The following POTEF variants were observed in gnomAD, a reference collection of about 807,000 sequenced individuals.
POTEF encodes POTE ankyrin domain family member F, also known as ANKRD26-like family C member 1B.
Under a neutral mutation model 83.2 loss-of-function variants are expected in POTEF, and 20 were observed. The observed-to-expected ratio is 0.24, with a 90% CI of 0.17 to 0.35. POTEF has a LOEUF of 0.35. Among genes scored for constraint, POTEF ranks in the 10% least tolerant of loss-of-function variants. The pLI, the probability that POTEF is intolerant of heterozygous loss-of-function variation, is 1.00. For missense variants in POTEF, 550 were observed against 1,203.2 expected, an observed-to-expected ratio of 0.46 and a Z score of 8.03; for synonymous variants, 196 against 446.4, an observed-to-expected ratio of 0.44 and a Z score of 7.07.
At chr2:130,120,710 G>A (rs1684979851) in intron 2 of POTEF, 102 bp from the exon 3 acceptor site, 1 of 962,106 alleles carries the variant, frequency 1.0e-6, no homozygotes, top group East Asian at 2.7e-5. Context: ...CCCACCCGAG[G>A]AAAGCCCACG....
At chr2:130,124,835 AAG>A (rs1685058347) in intron 2 of POTEF, among the ~76,000 whole-genome samples, 1 of 130,368 alleles carries the variant, frequency 7.7e-6, no homozygotes, top group South Asian at 2.6e-4. Context: ...GAGTGGCAAC[AAG>A]AGAGACTGGG....
intron 15 of POTEF, among the ~76,000 whole-genome samples, chr2:130,078,405 G>C (rs1284154737): frequency 1.1e-5 from 1 of 87,320 alleles, no homozygotes; most frequent in African/African-American, 4.3e-5. Context: ...AAAAGTGAGT[G>C]ATCTATATAA....
At chr2:130,123,081 T>C (rs1246328114) in intron 2 of POTEF, among the ~76,000 whole-genome samples, 2 of 136,058 alleles carry the variant, frequency 1.5e-5, no homozygotes, top group East Asian at 4.0e-4. Flanking sequence ...ACACTGATTG[T>C]TACTTTTCAA....
chr2:130,127,229 G>A (rs1315602553), intron 2 of POTEF, among the ~76,000 whole-genome samples: 1 of 147,276 alleles, frequency 6.8e-6, no homozygotes, highest in East Asian at 2.0e-4. Context: ...GGAGGCTGAG[G>A]CAGGAGGATG....
intron 15 of POTEF, among the ~76,000 whole-genome samples, chr2:130,083,712 C>G (rs1224585716): frequency 5.5e-5 from 4 of 72,516 alleles, no homozygotes; most frequent in African/African-American, 2.8e-4. Context: ...GTAGACAGTT[C>G]TTTAAGGACA....
intron 9 of POTEF, among the ~76,000 whole-genome samples, chr2:130,100,928 C>T (rs916983571): frequency 1.3e-4 from 19 of 148,426 alleles, no homozygotes; most frequent in Admixed American, 1.1e-3. Flanking sequence ...TTAGCTACTG[C>T]CACATTACTG....
Position 130,114,776 on chromosome 2 carries a change from C to T in POTEF, c.810+105G>A, listed in dbSNP as rs192835711. On this transcript the variant is annotated intron_variant, in intron 5 of 16. Coordinates refer to ENST00000409914, the MANE Select transcript of POTEF (RefSeq NM_001099771.2). Reference sequence around the variant, plus strand: ...TAGGTCATTTCAAAATATTTCCATTCAGGTTATGCTTGAGCTTCCAAATAT... The same window carrying T: ...TAGGTCATTTCAAAATATTTCCATTTAGGTTATGCTTGAGCTTCCAAATAT... The T allele has an allele frequency of 6.6e-4, 977 of 1,486,376 alleles. 6 individuals carry two copies. Among genetic ancestry groups the T allele is most frequent in the African/African-American group, 5.2e-3 (362 of 70,156 alleles). 92.1% of individuals were successfully genotyped at this position (1,486,376 alleles called of 1,614,324 possible).
intron 2 of POTEF, among the ~76,000 whole-genome samples, chr2:130,124,423 C>T (rs1188079579): frequency 3.3e-5 from 3 of 90,600 alleles, no homozygotes. Flanking sequence ...AGACTATCTA[C>T]AACATGATTA....
At position 130,119,377 on chromosome 2, in the gene POTEF, A is replaced by G. The variant is rs528489994; in HGVS notation, c.521+618T>C. On this transcript the variant is annotated intron_variant, in intron 3 of 16. Coordinates refer to ENST00000409914, the MANE Select transcript of POTEF (RefSeq NM_001099771.2). ...GAGACAGGGTTTCACCGTGTTAGCC[A>G]GGATGGTCTCAATCTCCTGACCTCA... Among the ~76,000 whole-genome samples, 11 of 152,058 alleles carry G rather than the reference A, an allele frequency of 7.2e-5. No individual in the cohort carries two copies. In the South Asian group the frequency reaches 2.3e-3, roughly 32 times the overall value.
rs1486063904 is a variant in POTEF at position 130,121,406 on chromosome 2, G to A, written c.-93-798C>T. Among the ~76,000 whole-genome samples the A allele has an allele frequency of 3.7e-5, 5 of 134,716 alleles. No individual in the cohort carries two copies. The South Asian group carries it at 7.9e-4, about 21-fold the overall frequency. 88.4% of individuals were successfully genotyped at this position (134,716 alleles called of 152,430 possible). A position where few individuals can be genotyped will look rare whatever the true frequency, so the allele number is the denominator to read the frequency against. On this transcript the variant is annotated intron_variant, in intron 2 of 16. Transcript: ENST00000409914. ...AAAAAGCCCCCAGGACACTCCTGGC[G>A]GTGCTGTTGTGCATGGCAGCAGCTG...
chr2:130,101,111 C>CTTT (rs1461048176), intron 9 of POTEF, among the ~76,000 whole-genome samples: 1 of 119,872 alleles, frequency 8.3e-6, no homozygotes, highest in African/African-American at 3.6e-5. Flanking sequence ...ACCTTCCTCA[C>CTTT]TTGAAAAGAG....
chr2:130,119,452 G>A (rs1482576693), intron 3 of POTEF, among the ~76,000 whole-genome samples: 15 of 151,704 alleles, frequency 9.9e-5, no homozygotes, highest in South Asian at 2.1e-4. Context: ...GAGCCACCGC[G>A]CCCAGCCAAA....
intron 15 of POTEF, among the ~76,000 whole-genome samples, chr2:130,080,158 GGGT>G (rs1683911450): frequency 3.5e-5 from 1 of 28,516 alleles, no homozygotes. Flanking sequence ...GGGGGGGGGG[GGGT>G]TATCCTTATT....
chr2:130,120,822 G>C (rs1287602378), intron 2 of POTEF: 3 of 485,086 alleles, frequency 6.2e-6, no homozygotes, highest in Admixed American at 3.8e-5. Context: ...GCAGAGAAAA[G>C]GTCAAGCCCA....
At chr2:130,111,454 A>G (rs1387817447) in intron 6 of POTEF, among the ~76,000 whole-genome samples, 2 of 152,196 alleles carry the variant, frequency 1.3e-5, no homozygotes, top group Non-Finnish European at 1.5e-5. Context: ...CTGGAAAAAC[A>G]AAAGGAAAAA....
chr2:130,104,442 T>C (rs1684457898), intron 8 of POTEF, among the ~76,000 whole-genome samples: 1 of 147,918 alleles, frequency 6.8e-6, no homozygotes, highest in Admixed American at 6.7e-5. Flanking sequence ...AAAACACTCT[T>C]TCTCTTTTTT....
chr2:130,118,321 A>G (rs914677620), intron 3 of POTEF, among the ~76,000 whole-genome samples: 3 of 152,022 alleles, frequency 2.0e-5, no homozygotes, highest in Non-Finnish European at 2.9e-5. Flanking sequence ...CAGGAACGCT[A>G]TCTTTTCCTA....
rs1234207216 is a variant in POTEF, at chr2:130,073,830, C to T, written c.*414G>A. 2.0e-5 allele frequency among the ~76,000 whole-genome samples: 3 copies of T among 148,730 alleles called. No homozygotes were observed. The highest frequency in any genetic ancestry group is 2.0e-4 in the East Asian group (1 of 4,948). ...AAAACAAAATTAAAAAGTATTAAGG[C>T]GAAGATTCAAAAAATTTTGCATTAT... On this transcript the variant is annotated 3_prime_UTR_variant, in exon 17 of 17. Transcript: ENST00000409914.
At chr2:130,128,547 T>G (rs1685154858) in intron 1 of POTEF, among the ~76,000 whole-genome samples, 3 of 43,510 alleles carry the variant, frequency 6.9e-5, no homozygotes, top group South Asian at 7.8e-4. Flanking sequence ...GTAACCCCAA[T>G]ACCCCCCCCA....
Sources: allele counts gnomAD v4.1 joint callset (sites outside exome capture counted in the v4.1 genomes callset), GRCh38; gene constraint gnomAD v4.1.1; transcripts MANE v1.5; gene names NCBI Gene and HGNC (gene_info 2026-07-23, HGNC 2026-07-21).